The following AFF2 variants were observed in gnomAD, a reference collection of about 807,000 sequenced individuals.
AFF2 encodes ALF transcription elongation factor 2, also known as AF4/FMR2 family member 2.
A neutral mutation model predicts 76.9 loss-of-function variants in AFF2; 14 were observed. The observed-to-expected ratio is 0.18, with a 90% confidence interval of 0.12 to 0.28. The LOEUF is 0.28. Among genes scored for constraint, AFF2 ranks in the 10% least tolerant of loss-of-function variants. The probability of loss-of-function intolerance (pLI) is 1.00; values close to 1 mark genes in which losing one functional copy is unlikely to be tolerated. For missense variants in AFF2, 868 were observed against 1,001.1 expected (o/e 0.87, Z 1.79); for synonymous variants, 398 against 366.7 (o/e 1.09, Z -0.98).
intron 1 of AFF2, among the ~76,000 whole-genome samples, chrX:148,528,866 A>AT (rs782371265): frequency 1.8e-5 from 2 of 109,317 alleles, no homozygotes; most frequent in African/African-American, 3.3e-5. Flanking sequence ...AGTGGTCCCT[A>AT]TTTTTTTTTA....
intron 1 of AFF2, among the ~76,000 whole-genome samples, chrX:148,561,191 G>A (rs2053108841): frequency 8.9e-6 from 1 of 112,120 alleles, no homozygotes; most frequent in African/African-American, 3.2e-5. Context: ...ATGAATAAAT[G>A]AACATAACAT....
At chrX:148,973,904 A>G (rs1338529901) in intron 16 of AFF2, among the ~76,000 whole-genome samples, 1 of 111,978 alleles carries the variant, frequency 8.9e-6, no homozygotes, top group Non-Finnish European at 1.9e-5. Context: ...TTTACCGTTT[A>G]GCATTGACTT....
rs1375818774 is a variant in AFF2 at position 148,794,154 on chromosome X, A to G, written c.1042-15722A>G. 2.0e-4 allele frequency among the ~76,000 whole-genome samples: 22 copies of G among 111,583 alleles called. No homozygotes were observed. In the Admixed American group the frequency reaches 2.1e-3, roughly 11 times the overall value. The stretch of plus-strand genomic sequence containing the variant: ...ACTGTAAGTAAACCAGAATTTCTAA[A>G]GATGGAAGGGTTGCCCCTGCCAACT... On this transcript the variant is annotated intron_variant, in intron 3 of 20. Transcript: ENST00000370460.
chrX:148,830,500 C>T (rs782411737), intron 4 of AFF2, among the ~76,000 whole-genome samples: 5 of 111,794 alleles, frequency 4.5e-5, no homozygotes, highest in African/African-American at 1.6e-4. Flanking sequence ...CCGTAAGTGT[C>T]GGCCTGTCTG....
chrX:148,894,033 C>G (rs2071253436), intron 8 of AFF2, among the ~76,000 whole-genome samples: 1 of 111,469 alleles, frequency 9.0e-6, no homozygotes, highest in African/African-American at 3.3e-5. Context: ...CTGGAAGTTT[C>G]ACTCTGGAGT....
At chrX:148,632,701 C>T (rs1373993260) in intron 1 of AFF2, among the ~76,000 whole-genome samples, 1 of 112,171 alleles carries the variant, frequency 8.9e-6, no homozygotes, top group Non-Finnish European at 1.9e-5. Context: ...AGGAGCCAGG[C>T]TGGCTCACTA....
intron 8 of AFF2, among the ~76,000 whole-genome samples, chrX:148,895,786 A>G (rs1247266820): frequency 9.0e-6 from 1 of 111,139 alleles, no homozygotes; most frequent in East Asian, 2.9e-4. Flanking sequence ...TCCTCAGAAA[A>G]GTGGAAGAAC....
At chrX:148,579,291 T>A (rs1244173568) in intron 1 of AFF2, among the ~76,000 whole-genome samples, 1 of 111,856 alleles carries the variant, frequency 8.9e-6, no homozygotes, top group Non-Finnish European at 1.9e-5. Flanking sequence ...GAATATAGCC[T>A]CCGTATTTGT....
chrX:148,926,438 C>T (rs1201570228), intron 9 of AFF2, among the ~76,000 whole-genome samples: 1 of 111,939 alleles, frequency 8.9e-6, no homozygotes, highest in Admixed American at 9.4e-5. Flanking sequence ...GTTGCATGAG[C>T]TCCCTCTCCA....
intron 3 of AFF2, among the ~76,000 whole-genome samples, chrX:148,704,380 T>TTATATATATGTGTGTATATATATATTTA (rs2054848369): frequency 4.3e-4 from 3 of 7,027 alleles, no homozygotes; most frequent in Admixed American, 5.0e-3. Context: ...ATATATATAT[T>TTATATATATGTGTGTATATATATATTTA]TATATATATG....
intron 3 of AFF2, among the ~76,000 whole-genome samples, chrX:148,702,828 A>C (rs1268556811): frequency 8.9e-6 from 1 of 112,433 alleles, no homozygotes; most frequent in African/African-American, 3.2e-5. Context: ...GATTGTTGAG[A>C]AACAATAGCA....
At chrX:148,904,311 A>G (rs782050863) in intron 9 of AFF2, 53 bp downstream of exon 9, 50 of 722,601 alleles carry the variant, frequency 6.9e-5, no homozygotes, top group Non-Finnish European at 1.0e-4. Flanking sequence ...GACTCGATGC[A>G]TGTGAAAAAA....
At chrX:148,595,414 G>A (rs2053562877) in intron 1 of AFF2, among the ~76,000 whole-genome samples, 2 of 112,054 alleles carry the variant, frequency 1.8e-5, no homozygotes, top group Non-Finnish European at 3.8e-5. Flanking sequence ...ACCAGACAGT[G>A]GTGAAGAGAA....
At chrX:148,657,516 T>C (rs1430529648) in intron 2 of AFF2, among the ~76,000 whole-genome samples, 1 of 112,326 alleles carries the variant, frequency 8.9e-6, no homozygotes, top group African/African-American at 3.2e-5. Context: ...ATTATACTAC[T>C]GATTTGTAGA....
intron 1 of AFF2, among the ~76,000 whole-genome samples, chrX:148,533,863 T>G (rs2124249966): frequency 8.9e-6 from 1 of 112,373 alleles, no homozygotes; most frequent in South Asian, 3.7e-4. Flanking sequence ...CTGAAAATTT[T>G]GAAGAGTGAA....
rs1426963777 is a variant in AFF2, at chrX:148,928,652, G to A, written c.1397+24394G>A. 6.2e-5 allele frequency among the ~76,000 whole-genome samples: 7 copies of A among 112,071 alleles called. No individual in the cohort carries two copies. The East Asian group carries it at 2.0e-3, about 32-fold the overall frequency. On this transcript the variant is annotated intron_variant, in intron 9 of 20. Coordinates refer to ENST00000370460, the MANE Select transcript of AFF2 (RefSeq NM_002025.4). Reference sequence around the variant, plus strand: ...GCCCTGCTTTGGGGAGCCCATAGAGGCTCCAAGATGGCACTCAGAAGCAGG... The same window carrying A: ...GCCCTGCTTTGGGGAGCCCATAGAGACTCCAAGATGGCACTCAGAAGCAGG...
intron 8 of AFF2, among the ~76,000 whole-genome samples, chrX:148,896,272 G>A (rs1223686348): frequency 3.6e-5 from 4 of 111,645 alleles, no homozygotes; most frequent in Non-Finnish European, 7.5e-5. Context: ...AGCTTCCCTC[G>A]GGAGCCATGA....
At chrX:148,614,107 A>T (rs1414409327) in intron 1 of AFF2, among the ~76,000 whole-genome samples, 3 of 112,247 alleles carry the variant, frequency 2.7e-5, no homozygotes, top group African/African-American at 9.7e-5. Context: ...ACCATCAGAG[A>T]TGGAGAGCTC....
Position 148,996,256 on chromosome X carries a change from C to G in AFF2, c.*4924C>G, listed in dbSNP as rs923233797. On this transcript the variant is annotated 3_prime_UTR_variant, in exon 21 of 21. Coordinates refer to ENST00000370460, the MANE Select transcript of AFF2 (RefSeq NM_002025.4). Reference sequence around the variant, plus strand: ...TAAGTTAATGCCGTGTTGCCCAGAACAAGATCTAGCTTCTCATTTGGTCAG... The same window carrying G: ...TAAGTTAATGCCGTGTTGCCCAGAAGAAGATCTAGCTTCTCATTTGGTCAG... 4.4e-5 allele frequency: 5 copies of G among 112,787 alleles called. No individual in the cohort carries two copies. Among genetic ancestry groups the G allele is most frequent in the South Asian group, 3.7e-4 (1 of 2,733 alleles). 9.3% of individuals were successfully genotyped at this position (112,787 alleles called of 1,213,427 possible). A position where few individuals can be genotyped will look rare whatever the true frequency, so the allele number is the denominator to read the frequency against.
Sources: gnomAD v4.1 joint callset for allele counts (sites outside exome capture counted in the v4.1 genomes callset) on GRCh38, gnomAD v4.1.1 for gene constraint, MANE v1.5 for transcripts, NCBI Gene and HGNC (gene_info 2026-07-23, HGNC 2026-07-21) for gene names.